ICOS: variants seen among roughly 807,000 people sequenced by gnomAD.
ICOS encodes inducible T cell costimulator.
ICOS carries 15 observed loss-of-function variants against 24.6 expected under a neutral mutation model. The ratio of observed to expected loss-of-function variants is 0.61; its 90% CI spans 0.41 to 0.94. ICOS has a LOEUF of 0.94. Ranked by LOEUF, ICOS falls within the 40% of genes least tolerant of loss-of-function variation. The probability of loss-of-function intolerance (pLI) is 0.00; values close to 1 mark genes in which losing one functional copy is unlikely to be tolerated. For missense variants in ICOS, 200 were observed against 233.0 expected, an observed-to-expected ratio of 0.86 and a Z score of 0.92; for synonymous variants, 89 against 77.5, an observed-to-expected ratio of 1.15 and a Z score of -0.78.
chr2:203,954,236 C>T (rs1230458682), intron 1 of ICOS, among the ~76,000 whole-genome samples: 2 of 152,156 alleles, frequency 1.3e-5, no homozygotes, highest in East Asian at 1.9e-4. Context: ...CTGTGATTCC[C>T]ATGTAGCTTG....
At position 203,959,899 on chromosome 2, in the gene ICOS, C is replaced by A; in HGVS notation, c.*300C>A. On this transcript the variant is annotated 3_prime_UTR_variant, in exon 5 of 5. Coordinates refer to ENST00000316386, the MANE Select transcript of ICOS (RefSeq NM_012092.4). ...GTCTCCACATCTGCTCCTAGCAGTGCATCAGCCAGTAAAACAAACACATTT... is the reference window on the plus strand; with the variant it reads ...GTCTCCACATCTGCTCCTAGCAGTGAATCAGCCAGTAAAACAAACACATTT... 1 of 505,606 alleles carries A rather than the reference C, an allele frequency of 2.0e-6. No individual in the cohort carries two copies. Among genetic ancestry groups the A allele is most frequent in the Non-Finnish European group, 3.6e-6 (1 of 277,820 alleles). The allele number at this position is 505,606 out of a possible 1,614,324, so 31.3% of individuals were successfully genotyped here. A position where few individuals can be genotyped will look rare whatever the true frequency, so the allele number is the denominator to read the frequency against.
intron 1 of ICOS, 118 bp downstream of exon 1, chr2:203,936,990 A>C: frequency 1.3e-6 from 1 of 750,410 alleles, no homozygotes. Flanking sequence ...GAAAGTAGGA[A>C]TAGTTTCAGG....
intron 3 of ICOS, among the ~76,000 whole-genome samples, chr2:203,957,180 A>T (rs915293566): frequency 6.6e-6 from 1 of 152,222 alleles, no homozygotes; most frequent in Non-Finnish European, 1.5e-5. Context: ...ACAATTAGTT[A>T]TAAGTTTTGC....
rs141920468 is a variant in ICOS, at chr2:203,948,147, A to C, written c.59-7489A>C. ...ACCCAGTGGATATTTGAAGGTAAAG[A>C]AAGTTTTTCTTTAAAGCTCAGACAG... On this transcript the variant is annotated intron_variant, in intron 1 of 4. Transcript: ENST00000316386. Among the ~76,000 whole-genome samples, 64 of 152,328 alleles carry C rather than the reference A, an allele frequency of 4.2e-4. 1 individual carries two copies. The highest frequency in any genetic ancestry group is 1.5e-3 in the African/African-American group (62 of 41,580).
chr2:203,959,701 C>G lies in ICOS; in HGVS notation c.*102C>G. ...CGGGACCACGGAGAGTCTGACTTAA[C>G]TACATACATCTTCTGCTGGTGTTTT... is the stretch of plus-strand genomic sequence containing the variant. On this transcript the variant is annotated 3_prime_UTR_variant, in exon 5 of 5. Transcript: ENST00000316386. 1 of 999,736 alleles carries G rather than the reference C, an allele frequency of 1.0e-6. No individual in the cohort carries two copies. Among genetic ancestry groups the G allele is most frequent in the East Asian group, 2.4e-5 (1 of 41,968 alleles). The allele number at this position is 999,736 out of a possible 1,614,324, so 61.9% of individuals were successfully genotyped here.
At chr2:203,958,115 A>T (rs931356771) in intron 4 of ICOS, among the ~76,000 whole-genome samples, 1 of 152,236 alleles carries the variant, frequency 6.6e-6, no homozygotes, top group African/African-American at 2.4e-5. Context: ...CTAAACACAC[A>T]AACAGCTCAT....
intron 1 of ICOS, among the ~76,000 whole-genome samples, chr2:203,943,975 G>A (rs977727065): frequency 6.6e-6 from 1 of 152,140 alleles, no homozygotes; most frequent in Non-Finnish European, 1.5e-5. Flanking sequence ...CGGAAGGGCT[G>A]GTCTCACTCT....
chr2:203,957,701 T>C, intron 3 of ICOS, 98 bp from the exon 4 acceptor site: 1 of 880,050 alleles, frequency 1.1e-6, no homozygotes, highest in East Asian at 2.5e-5. Context: ...TATCATGTTT[T>C]TGTCACATAC....
intron 1 of ICOS, among the ~76,000 whole-genome samples, chr2:203,953,090 T>G (rs941966529): frequency 1.3e-5 from 2 of 152,192 alleles, no homozygotes; most frequent in African/African-American, 4.8e-5. Flanking sequence ...AGAAGATTTT[T>G]CTGGACCATC....
chr2:203,958,279 T>A (rs1305041873), intron 4 of ICOS, among the ~76,000 whole-genome samples: 1 of 152,140 alleles, frequency 6.6e-6, no homozygotes. Flanking sequence ...CTCTGGGGAA[T>A]TTGGACAGAT....
rs1268643095 is a variant in ICOS, at chr2:203,936,793, C to T, written c.-22C>T. ...CAGCTTTGAACACTGAACGCGAGGA[C>T]TGTTAACTGTTTCTGGCAAACATGA... On this transcript the variant is annotated 5_prime_UTR_variant, in exon 1 of 5. Coordinates refer to ENST00000316386, the MANE Select transcript of ICOS (RefSeq NM_012092.4). 3 of 1,602,350 alleles carry T rather than the reference C, an allele frequency of 1.9e-6. No individual in the cohort carries two copies. The highest frequency in any genetic ancestry group is 2.6e-6 in the Non-Finnish European group (3 of 1,169,452).
chr2:203,957,976 G>GA (rs1215216061), intron 4 of ICOS, 93 bp downstream of exon 4: 2 of 750,560 alleles, frequency 2.7e-6, no homozygotes, highest in African/African-American at 3.6e-5. Context: ...TAAAGGAAAG[G>GA]AAAACATCTC....
At chr2:203,954,861 A>G (rs1310364042) in intron 1 of ICOS, among the ~76,000 whole-genome samples, 3 of 148,894 alleles carry the variant, frequency 2.0e-5, no homozygotes, top group Non-Finnish European at 4.5e-5. Context: ...TATAATACAT[A>G]TATTTTAATA....
intron 1 of ICOS, among the ~76,000 whole-genome samples, chr2:203,939,570 A>G (rs1291182574): frequency 6.6e-6 from 1 of 152,190 alleles, no homozygotes; most frequent in Non-Finnish European, 1.5e-5. Context: ...CAGATTGGGA[A>G]GGGCTGATGG....
At position 203,955,784 on chromosome 2, in the gene ICOS, A is replaced by G. The variant is rs1319096476; in HGVS notation, c.207A>G (p.Lys69=). Residue 69 remains lysine, a synonymous_variant, in exon 2 of 5, where the codon AAA becomes AAG. Transcript: ENST00000316386. ...TACTCTGCGATCTCACTAAGACAAAAGGAAGTGGAAACACAGTGTCCATTA... is the reference window on the plus strand; with the variant it reads ...TACTCTGCGATCTCACTAAGACAAAGGGAAGTGGAAACACAGTGTCCATTA... ...GQILCDLTKT[K]GSGNTVSIKS... The G allele has an allele frequency of 3.1e-6, 5 of 1,613,864 alleles. No homozygotes were observed. The highest frequency in any genetic ancestry group is 2.5e-6 in the Non-Finnish European group (3 of 1,179,816).
intron 1 of ICOS, among the ~76,000 whole-genome samples, chr2:203,944,164 T>C (rs183051843): frequency 6.6e-6 from 1 of 152,284 alleles, no homozygotes; most frequent in Non-Finnish European, 1.5e-5. Flanking sequence ...CCAGGAGACT[T>C]CTTGCCCTGT....
intron 1 of ICOS, among the ~76,000 whole-genome samples, chr2:203,947,908 G>T (rs770157637): frequency 6.6e-6 from 1 of 152,094 alleles, no homozygotes; most frequent in African/African-American, 2.4e-5. Context: ...CCACTAACAT[G>T]CTGTGTTTAT....
At chr2:203,938,424 G>A (rs984491210) in intron 1 of ICOS, among the ~76,000 whole-genome samples, 1 of 152,216 alleles carries the variant, frequency 6.6e-6, no homozygotes, top group African/African-American at 2.4e-5. Context: ...GCAGACAGAT[G>A]TGCCTGAGCA....
chr2:203,960,591 A>C lies in ICOS; in HGVS notation c.*992A>C, dbSNP rs868729608. On this transcript the variant is annotated 3_prime_UTR_variant, in exon 5 of 5. Coordinates refer to ENST00000316386, the MANE Select transcript of ICOS (RefSeq NM_012092.4). ...TTTTTGTAGATCATATTAAAATTGC[A>C]AACAAAATCATCTTTAATGGGCCAG... 2 of 152,358 alleles carry C rather than the reference A, an allele frequency of 1.3e-5. No homozygotes were observed. The highest frequency in any genetic ancestry group is 3.4e-3 in the Middle Eastern group (1 of 294). 9.4% of individuals were successfully genotyped at this position (152,358 alleles called of 1,614,324 possible). A position where few individuals can be genotyped will look rare whatever the true frequency, so the allele number is the denominator to read the frequency against.
Sources: allele counts gnomAD v4.1 joint callset (sites outside exome capture counted in the v4.1 genomes callset), GRCh38; gene constraint gnomAD v4.1.1; transcripts MANE v1.5; gene names NCBI Gene and HGNC (gene_info 2026-07-23, HGNC 2026-07-21).